The following RGS6 variants were observed in gnomAD, a reference collection of about 807,000 sequenced individuals.
RGS6 encodes the protein regulator of G protein signaling 6.
Under a neutral mutation model 78.5 loss-of-function variants are expected in RGS6, and 30 were observed. The ratio of observed to expected loss-of-function variants is 0.38; its 90% CI spans 0.29 to 0.52. The LOEUF (loss-of-function observed/expected upper bound fraction) is 0.52. Ranked by LOEUF, RGS6 falls within the 20% of genes least tolerant of loss-of-function variation. The pLI is 0.85. For synonymous variants in RGS6, 206 were observed against 206.0 expected (o/e 1.00, Z 0.00); for missense variants, 495 against 609.7 (o/e 0.81, Z 1.98).
At chr14:72,387,105 G>A (rs1566696516) in intron 3 of RGS6, among the ~76,000 whole-genome samples, 2 of 151,798 alleles carry the variant, frequency 1.3e-5, no homozygotes, top group African/African-American at 4.8e-5. Context: ...TAAATAGGGA[G>A]AAAAAATATG....
At chr14:72,576,465 G>A in the RGS6 span, among the ~76,000 whole-genome samples, 2 of 152,242 alleles carry the variant, frequency 1.3e-5, no homozygotes, top group East Asian at 3.9e-4. Context: ...ATATACTATT[G>A]GCAGCAGACA....
At position 72,281,205 on chromosome 14, in the gene RGS6, A is replaced by G. The variant is rs186925516; in HGVS notation, c.85-70890A>G. On this transcript the variant is annotated intron_variant, in intron 2 of 17. Coordinates refer to ENST00000553525, the MANE Select transcript of RGS6 (RefSeq NM_001204424.2). ...GCTCTGTCATCCAGGCTGGGGTGCA[A>G]TGGTGCAATCTCAGCTCACTGTAGC... Among the ~76,000 whole-genome samples, 143 of 147,130 alleles carry G rather than the reference A, an allele frequency of 9.7e-4. 1 individual carries two copies. The East Asian group carries it at 0.011, about 11-fold the overall frequency.
intron 2 of RGS6, among the ~76,000 whole-genome samples, chr14:72,190,384 G>A (rs1014495786): frequency 5.1e-4 from 78 of 152,224 alleles, no homozygotes; most frequent in African/African-American, 1.8e-3. Flanking sequence ...TACGGAAAGA[G>A]ACAACATTGT....
intron 3 of RGS6, among the ~76,000 whole-genome samples, chr14:72,414,549 CCTT>C (rs1293786491): frequency 6.6e-6 from 1 of 152,210 alleles, no homozygotes; most frequent in Non-Finnish European, 1.5e-5. Flanking sequence ...TCTGAAGCCT[CCTT>C]CTCTCAACTC....
At chr14:72,158,303 T>A (rs2096801499) in intron 2 of RGS6, among the ~76,000 whole-genome samples, 1 of 152,110 alleles carries the variant, frequency 6.6e-6, no homozygotes, top group Non-Finnish European at 1.5e-5. Flanking sequence ...GTGTCCGAAT[T>A]TCTTCTTCTC....
At chr14:71,885,754 A>G in the RGS6 span, among the ~76,000 whole-genome samples, 1 of 93,324 alleles carries the variant, frequency 1.1e-5, no homozygotes, top group African/African-American at 4.8e-5. Context: ...GATACTAGCA[A>G]TTCTTTCCAA....
At chr14:71,876,742 C>T in the RGS6 span, among the ~76,000 whole-genome samples, 2 of 151,888 alleles carry the variant, frequency 1.3e-5, no homozygotes, top group Non-Finnish European at 2.9e-5. Flanking sequence ...TTATTTTGCT[C>T]GTTAGTAGAT....
chr14:72,254,714 C>T (rs1487964787), intron 2 of RGS6, among the ~76,000 whole-genome samples: 1 of 152,160 alleles, frequency 6.6e-6, no homozygotes. Flanking sequence ...GCAGCAATCC[C>T]TCCATGTGTC....
chr14:71,947,108 T>C (rs1244461327), intron 1 of RGS6, among the ~76,000 whole-genome samples: 1 of 152,136 alleles, frequency 6.6e-6, no homozygotes, highest in Non-Finnish European at 1.5e-5. Flanking sequence ...TTACAGTTAG[T>C]GTACAATTCT....
At chr14:72,074,228 G>T (rs528200383) in intron 2 of RGS6, among the ~76,000 whole-genome samples, 1 of 152,130 alleles carries the variant, frequency 6.6e-6, no homozygotes, top group Non-Finnish European at 1.5e-5. Context: ...GCAGGGTCTC[G>T]CTCTGCCGCT....
intron 2 of RGS6, among the ~76,000 whole-genome samples, chr14:72,227,595 G>T (rs183216999): frequency 1.3e-5 from 2 of 152,180 alleles, no homozygotes; most frequent in Non-Finnish European, 2.9e-5. Context: ...AAGCAAAATC[G>T]TAAGTTGTAA....
upstream of RGS6, among the ~76,000 whole-genome samples, chr14:71,929,761 A>T (rs996463696): frequency 1.3e-5 from 2 of 152,238 alleles, no homozygotes; most frequent in Non-Finnish European, 2.9e-5. Context: ...TTCTTCATTT[A>T]TTAGTCGCAT....
intron 2 of RGS6, among the ~76,000 whole-genome samples, chr14:72,333,504 CTCT>C (rs1039466998): frequency 1.3e-5 from 2 of 152,206 alleles, no homozygotes; most frequent in African/African-American, 4.8e-5. Context: ...CTCTCTGGCC[CTCT>C]TCTTTCTGTC....
At chr14:72,304,227 C>T (rs747870013) in intron 2 of RGS6, among the ~76,000 whole-genome samples, 14 of 152,208 alleles carry the variant, frequency 9.2e-5, no homozygotes, top group African/African-American at 1.4e-4. Flanking sequence ...TAGTAAACCA[C>T]GATCTGTCTC....
At chr14:72,280,168 G>C (rs2061347838) in intron 2 of RGS6, among the ~76,000 whole-genome samples, 1 of 151,622 alleles carries the variant, frequency 6.6e-6, no homozygotes, top group South Asian at 2.1e-4. Context: ...TTCGAAAAAG[G>C]AAGAGGTCTT....
At chr14:72,183,911 G>A (rs531525707) in intron 2 of RGS6, among the ~76,000 whole-genome samples, 48 of 152,050 alleles carry the variant, frequency 3.2e-4, no homozygotes, top group African/African-American at 9.4e-4. Context: ...CTCAACTCAG[G>A]GTAAATATTC....
intron 2 of RGS6, among the ~76,000 whole-genome samples, chr14:72,039,812 G>GTTTTTTTTTTT (rs1555447720): frequency 4.7e-5 from 1 of 21,484 alleles, no homozygotes; most frequent in African/African-American, 1.8e-4. Flanking sequence ...GTGTTTCATT[G>GTTTTTTTTTTT]ATTTTTTTTT....
At chr14:72,191,894 A>G (rs7494363) in intron 2 of RGS6, among the ~76,000 whole-genome samples, 1 of 152,040 alleles carries the variant, frequency 6.6e-6, no homozygotes, top group African/African-American at 2.4e-5. Context: ...AACTCGATCA[A>G]GTGCTCCTTC....
intron 2 of RGS6, among the ~76,000 whole-genome samples, chr14:72,233,621 A>G (rs1263567209): frequency 1.3e-4 from 20 of 152,108 alleles, no homozygotes. Flanking sequence ...TTAGGACACC[A>G]TTTTCAGGTA....
Sources: gnomAD v4.1 joint callset for allele counts (sites outside exome capture counted in the v4.1 genomes callset) on GRCh38, gnomAD v4.1.1 for gene constraint, MANE v1.5 for transcripts, NCBI Gene and HGNC (gene_info 2026-07-23, HGNC 2026-07-21) for gene names.